NEB: variants seen among roughly 807,000 people sequenced by gnomAD.
NEB encodes nebulin.
Under a neutral mutation model 952.2 loss-of-function variants are expected in NEB, and 512 were observed. The observed-to-expected ratio is 0.54, with a 90% CI of 0.50 to 0.58. The LOEUF is 0.58. NEB is among the 20% of genes least tolerant of loss of function. The pLI is 0.00. For synonymous variants in NEB, 2,900 were observed against 3,149.8 expected (o/e 0.92, Z 2.66); for missense variants, 8,428 against 9,231.1 (o/e 0.91, Z 3.56).
At chr2:151,603,429 C>CTG (rs1322807750) in intron 86 of NEB, 140 bp downstream of exon 86, 1 of 782,806 alleles carries the variant, frequency 1.3e-6, no homozygotes, top group Non-Finnish European at 1.9e-6. Context: ...AAGAGACTGA[C>CTG]TACACAAAGA....
chr2:151,572,217 G>C (rs1192956161), intron 107 of NEB, among the ~76,000 whole-genome samples: 1 of 152,030 alleles, frequency 6.6e-6, no homozygotes, highest in Non-Finnish European at 1.5e-5. Context: ...AGCTACTAGA[G>C]ATGCTGAGGC....
intron 159 of NEB, 47 bp from the exon 160 acceptor site, chr2:151,513,740 C>G (rs1454408602): frequency 1.6e-6 from 2 of 1,260,526 alleles, no homozygotes; most frequent in African/African-American, 3.0e-5. Flanking sequence ...AATGCTACTA[C>G]TAGGTAATAA....
chr2:151,651,821 A>G (rs992570078), intron 52 of NEB, among the ~76,000 whole-genome samples: 4 of 152,210 alleles, frequency 2.6e-5, no homozygotes, highest in Admixed American at 6.5e-5. Context: ...GTGGACTTTA[A>G]CTTCAACATA....
At chr2:151,721,216 T>G (rs1224619902) in intron 9 of NEB, among the ~76,000 whole-genome samples, 4 of 152,218 alleles carry the variant, frequency 2.6e-5, no homozygotes, top group African/African-American at 9.7e-5. Context: ...CTAATCTCAA[T>G]CTATCATATT....
In NEB at chr2:151,640,068, C is replaced by A; in HGVS notation, c.8686-8G>T. 1 of 1,604,660 alleles carries A rather than the reference C, an allele frequency of 6.2e-7. No homozygotes were observed. The highest frequency in any genetic ancestry group is 8.5e-7 in the Non-Finnish European group (1 of 1,171,698). Reference sequence around the variant, plus strand: ...ATCAGACTTGTACATATTCTGTTGACACAAATAGCCAATAAATATTTATCT... The same window carrying A: ...ATCAGACTTGTACATATTCTGTTGAAACAAATAGCCAATAAATATTTATCT... On this transcript the variant is annotated splice_polypyrimidine_tract_variant and splice_region_variant and intron_variant, in intron 61 of 181. Coordinates refer to ENST00000397345, the MANE Select transcript of NEB (RefSeq NM_001164508.2).
At chr2:151,518,016 C>T (rs1055896118) in intron 156 of NEB, among the ~76,000 whole-genome samples, 1 of 152,126 alleles carries the variant, frequency 6.6e-6, no homozygotes, top group South Asian at 2.1e-4. Context: ...TGTTCCCTAA[C>T]CTGGGGCACA....
chr2:151,656,327 C>G lies in NEB; in HGVS notation c.6321G>C (p.Glu2107Asp). ...GGGTGTGGTAGCTGGTCTTTGTGTT[C>G]TCATAGTTTTTCTTGTACTCCCGAT... The part of the protein sequence containing the change: ...QSDREYKKNY[E>D]NTKTSYHTPA... The change falls in exon 49 of 182, where the codon GAG becomes GAC. Residue 2107 changes from glutamate to aspartate, a missense_variant. Glu to Asp is a conservative substitution (Grantham distance 45, BLOSUM62 2). This residue lies in a region of NEB where 2,851 missense variants were observed against 2,791.5 expected (regional missense o/e 1.02). Transcript: ENST00000397345. 1 of 1,613,630 alleles carries G rather than the reference C, an allele frequency of 6.2e-7. No individual in the cohort carries two copies. The highest frequency in any genetic ancestry group is 8.5e-7 in the Non-Finnish European group (1 of 1,179,708).
chr2:151,565,882 G>A, intron 114 of NEB, 62 bp from the exon 115 acceptor site: 14 of 1,139,630 alleles, frequency 1.2e-5, no homozygotes, highest in Non-Finnish European at 1.8e-5. Flanking sequence ...CTTACAGAGG[G>A]CAGGTTACAA....
intron 155 of NEB, 42 bp downstream of exon 155, chr2:151,518,923 T>C: frequency 2.2e-6 from 3 of 1,388,330 alleles, no homozygotes; most frequent in Non-Finnish European, 3.1e-6. Context: ...TAGTTCCAAA[T>C]GGGTAAAACA....
At position 151,492,139 on chromosome 2, in the gene NEB, A is replaced by T. The variant is rs1168048800; in HGVS notation, c.25016T>A (p.Met8339Lys). 1 of 1,613,504 alleles carries T rather than the reference A, an allele frequency of 6.2e-7. No individual in the cohort carries two copies. Among genetic ancestry groups the T allele is most frequent in the Non-Finnish European group, 8.5e-7 (1 of 1,179,814 alleles). The change falls in exon 178 of 182, where the codon ATG (methionine) becomes AAG (lysine). Residue 8339 changes from methionine (M) to lysine (K), a missense_variant. Physicochemically the swap from Met to Lys is moderately conservative, Grantham distance 95. Around this residue, in one of 11 missense-constraint regions of NEB, gnomAD observed 3,374 missense variants for 3,651.5 expected, o/e 0.92. Transcript: ENST00000397345. ...YRGIQRKVVEMEQKRNDQDQE... is the reference protein window; with the variant it reads ...YRGIQRKVVEKEQKRNDQDQE... ...ATCTTGGTCATTCCGTTTTTGTTCC[A>T]TTTCTACCACTTTCCTCTGAATACC...
intron 124 of NEB, among the ~76,000 whole-genome samples, chr2:151,558,946 T>G (rs1257773928): frequency 6.6e-6 from 1 of 151,782 alleles, no homozygotes; most frequent in African/African-American, 2.4e-5. Context: ...CATTGGAATC[T>G]AATTAAACTA....
chr2:151,487,434 ATTTCC>A (rs1318767698), intron 181 of NEB, among the ~76,000 whole-genome samples: 1 of 152,158 alleles, frequency 6.6e-6, no homozygotes, highest in Non-Finnish European at 1.5e-5. Context: ...TCACAAATAG[ATTTCC>A]TTTCCCCTTT....
chr2:151,648,141 C>T (rs2098984143), intron 54 of NEB, among the ~76,000 whole-genome samples: 3 of 152,174 alleles, frequency 2.0e-5, no homozygotes, highest in Admixed American at 6.5e-5. Context: ...CACACATACA[C>T]ACATATGTGA....
At chr2:151,575,837 A>C (rs1429483988) in intron 106 of NEB, 38 bp from the exon 107 acceptor site, 3 of 1,378,128 alleles carry the variant, frequency 2.2e-6, no homozygotes, top group Non-Finnish European at 2.1e-6. Context: ...TTACTTCACA[A>C]TTTTCATGTT....
chr2:151,605,854 C>T lies in NEB; in HGVS notation c.12747+752G>A, dbSNP rs375483860. Among the ~76,000 whole-genome samples the T allele has an allele frequency of 2.0e-4, 19 of 96,508 alleles. No individual in the cohort carries two copies. The East Asian group carries it at 4.2e-3, about 21-fold the overall frequency. 63.3% of individuals were successfully genotyped at this position (96,508 alleles called of 152,430 possible). On this transcript the variant is annotated intron_variant, in intron 84 of 181. Transcript: ENST00000397345. ...TTCAGTCTTGTTGCCCAGGCTGGAA[C>T]GCAATGGCATGATCTCGGCTTACTG...
At chr2:151,505,159 A>G (rs2067819635) in intron 165 of NEB, among the ~76,000 whole-genome samples, 1 of 152,228 alleles carries the variant, frequency 6.6e-6, no homozygotes, top group Non-Finnish European at 1.5e-5. Context: ...GATCATCCCA[A>G]TAACCTTATT....
chr2:151,631,560 A>G (rs2098668353), intron 65 of NEB, among the ~76,000 whole-genome samples: 1 of 152,224 alleles, frequency 6.6e-6, no homozygotes, highest in South Asian at 2.1e-4. Context: ...GGTTATTAGG[A>G]GAGGAGTGAT....
chr2:151,668,887 T>G, intron 39 of NEB, 140 bp downstream of exon 39: 1 of 581,034 alleles, frequency 1.7e-6, no homozygotes, highest in Non-Finnish European at 2.9e-6. Flanking sequence ...CCTAGGCTCA[T>G]GTTGCATGGT....
chr2:151,572,815 G>T (rs1349729347), intron 107 of NEB, among the ~76,000 whole-genome samples: 1 of 149,262 alleles, frequency 6.7e-6, no homozygotes, highest in African/African-American at 2.5e-5. Context: ...CTCCCAAAGT[G>T]CTGGGATTAC....
Sources: allele counts gnomAD v4.1 joint callset (sites outside exome capture counted in the v4.1 genomes callset), GRCh38; gene constraint gnomAD v4.1.1; regional missense constraint gnomAD v4.1.1; transcripts MANE v1.5; gene names NCBI Gene and HGNC (gene_info 2026-07-23, HGNC 2026-07-21).